EFNB2: variants seen among roughly 807,000 people sequenced by gnomAD.
EFNB2 encodes the protein ephrin-B2.
A neutral mutation model predicts 32.1 loss-of-function variants in EFNB2; 5 were observed. The observed-to-expected ratio is 0.16, with a 90% CI of 0.08 to 0.33. The LOEUF (loss-of-function observed/expected upper bound fraction) is 0.33. Among genes scored for constraint, EFNB2 ranks in the 10% least tolerant of loss-of-function variants. The pLI is 1.00. For missense variants in EFNB2, 263 were observed against 422.6 expected, an observed-to-expected ratio of 0.62 and a Z score of 3.31; for synonymous variants, 168 against 166.5, an observed-to-expected ratio of 1.01 and a Z score of -0.07.
At chr13:106,526,411 C>G (rs905858011) in intron 1 of EFNB2, among the ~76,000 whole-genome samples, 1 of 152,004 alleles carries the variant, frequency 6.6e-6, no homozygotes, top group African/African-American at 2.4e-5. Context: ...CATGACGTAC[C>G]GTGTATATGG....
At chr13:106,529,806 C>A (rs1356585356) in intron 1 of EFNB2, among the ~76,000 whole-genome samples, 1 of 152,150 alleles carries the variant, frequency 6.6e-6, no homozygotes, top group East Asian at 1.9e-4. Flanking sequence ...TTTCTCTATG[C>A]CTTTTTACTA....
chr13:106,524,217 GATA>G (rs1399185595), intron 1 of EFNB2, among the ~76,000 whole-genome samples: 1 of 152,124 alleles, frequency 6.6e-6, no homozygotes, highest in Non-Finnish European at 1.5e-5. Flanking sequence ...AATCAAAATG[GATA>G]ATGACAGAAT....
chr13:106,509,834 A>G (rs1232063952), intron 2 of EFNB2: 1 of 152,208 alleles, frequency 6.6e-6, no homozygotes, highest in African/African-American at 2.4e-5. Flanking sequence ...CTTGTAGATC[A>G]ATGAGCTTTG....
intron 2 of EFNB2, among the ~76,000 whole-genome samples, chr13:106,503,207 A>T (rs1198575491): frequency 6.6e-6 from 1 of 152,174 alleles, no homozygotes; most frequent in African/African-American, 2.4e-5. Flanking sequence ...AAAAGTTATG[A>T]CGATTTATGC....
At chr13:106,503,015 C>T (rs146505037) in intron 2 of EFNB2, among the ~76,000 whole-genome samples, 84 of 152,300 alleles carry the variant, frequency 5.5e-4, no homozygotes, top group African/African-American at 1.9e-3. Context: ...CTGCACCTCC[C>T]CCAACCCCCG....
Position 106,530,888 on chromosome 13 carries a change from T to A in EFNB2, c.122+3955A>T, listed in dbSNP as rs141609685. On this transcript the variant is annotated intron_variant, in intron 1 of 4. Coordinates refer to ENST00000646441, the MANE Select transcript of EFNB2 (RefSeq NM_004093.4). The stretch of plus-strand genomic sequence containing the variant: ...TCTCACTGATCCACCAACCGAAGGA[T>A]GCACCTCAGTAAGTTTACAGACAAG... Among the ~76,000 whole-genome samples, 525 of 152,324 alleles carry A rather than the reference T, an allele frequency of 3.4e-3. 3 individuals carry two copies. Among genetic ancestry groups the A allele is most frequent in the African/African-American group, 0.012 (504 of 41,584 alleles).
rs1221530802 is a variant in EFNB2, at chr13:106,500,975, C to CA, written c.407-5136dup. Among the ~76,000 whole-genome samples, 11 of 151,634 alleles carry CA rather than the reference C, an allele frequency of 7.3e-5. No homozygotes were observed. In the East Asian group the frequency reaches 7.7e-4, roughly 11 times the overall value. On this transcript the variant is annotated intron_variant, in intron 2 of 4. Coordinates refer to ENST00000646441, the MANE Select transcript of EFNB2 (RefSeq NM_004093.4). Reference sequence around the variant, plus strand: ...CCACAGGGCTATCAAATCTGAGTGTCAAAAAAACAAAAAGAATAAGGTAAG... The same window carrying CA: ...CCACAGGGCTATCAAATCTGAGTGTCAAAAAAAACAAAAAGAATAAGGTAAG...
intron 1 of EFNB2, among the ~76,000 whole-genome samples, chr13:106,529,652 C>T (rs1414592914): frequency 6.6e-6 from 1 of 152,244 alleles, no homozygotes; most frequent in Non-Finnish European, 1.5e-5. Flanking sequence ...TCATTTCTAA[C>T]ATCAAGCTAA....
chr13:106,493,488 C>G lies in EFNB2; in HGVS notation c.614-60G>C. The G allele has an allele frequency of 1.3e-6, 2 of 1,539,656 alleles. No homozygotes were observed. Among genetic ancestry groups the G allele is most frequent in the Non-Finnish European group, 1.7e-6 (2 of 1,143,902 alleles). Reference sequence around the variant, plus strand: ...TTACTGCTGTCCCAGTGCAGACGGACTGCTTTTATGACCCTTAAAAATGTG... The same window carrying G: ...TTACTGCTGTCCCAGTGCAGACGGAGTGCTTTTATGACCCTTAAAAATGTG... On this transcript the variant is annotated intron_variant, in intron 4 of 4. Transcript: ENST00000646441. This position sits in a 1 kb window ranked among gnomAD's most constrained non-coding sequence, Gnocchi z 6.1.
chr13:106,493,433 A>G lies in EFNB2; in HGVS notation c.614-5T>C. 1 of 1,601,768 alleles carries G rather than the reference A, an allele frequency of 6.2e-7. No homozygotes were observed. Among genetic ancestry groups the G allele is most frequent in the Non-Finnish European group, 8.5e-7 (1 of 1,171,882 alleles). ...TGTTGCCGTCTGTGCTAGAACCTGC[A>G]GACGCGGAGACAGAAAAGGTCAGAG... On this transcript the variant is annotated splice_polypyrimidine_tract_variant and splice_region_variant and intron_variant, in intron 4 of 4. Transcript: ENST00000646441. This position sits in a 1 kb window ranked among gnomAD's most constrained non-coding sequence, Gnocchi z 6.1.
intron 2 of EFNB2, among the ~76,000 whole-genome samples, chr13:106,511,962 C>T (rs1015619339): frequency 6.6e-6 from 1 of 152,122 alleles, no homozygotes; most frequent in African/African-American, 2.4e-5. Flanking sequence ...ACTAAGCAAA[C>T]CAAGTTTCGT....
chr13:106,521,141 T>G (rs542727368), intron 1 of EFNB2: 1 of 135,554 alleles, frequency 7.4e-6, no homozygotes, highest in South Asian at 2.2e-4. Context: ...CCTGATTTAT[T>G]CAAGGAAAAG....
rs528678680 is a variant in EFNB2 at position 106,494,517 on chromosome 13, A to G, written c.613+364T>C. On this transcript the variant is annotated intron_variant, in intron 4 of 4. Coordinates refer to ENST00000646441, the MANE Select transcript of EFNB2 (RefSeq NM_004093.4). ...ATTAAACCCTCTGTGGCTTAGATAT[A>G]ATTAGATGAGGGATTAGCACATTAA... 3.3e-5 allele frequency among the ~76,000 whole-genome samples: 5 copies of G among 152,354 alleles called. No individual in the cohort carries two copies. In the South Asian group the frequency reaches 1.0e-3, roughly 32 times the overall value.
intron 1 of EFNB2, among the ~76,000 whole-genome samples, chr13:106,521,944 ATTG>A: frequency 6.6e-6 from 1 of 152,034 alleles, no homozygotes; most frequent in East Asian, 1.9e-4. Context: ...CCCAAATATC[ATTG>A]TTGTCTTTTC....
At chr13:106,531,764 G>C (rs1879878740) in intron 1 of EFNB2, among the ~76,000 whole-genome samples, 1 of 136,988 alleles carries the variant, frequency 7.3e-6, no homozygotes, top group East Asian at 2.0e-4. Context: ...GTATTATATA[G>C]GGAAAAAATT....
At position 106,490,489 on chromosome 13, in the gene EFNB2, T is replaced by C; in HGVS notation, c.*2551A>G. 6.6e-6 allele frequency: 1 copy of C among 152,156 alleles called. No homozygotes were observed. Among genetic ancestry groups the C allele is most frequent in the East Asian group, 1.9e-4 (1 of 5,194 alleles). 9.4% of individuals were successfully genotyped at this position (152,156 alleles called of 1,614,324 possible). ...TGGTTGCAGGGAACTCTTTTATCAA[T>C]TCATCTGATTTTTCACAGTTTAGCA... On this transcript the variant is annotated 3_prime_UTR_variant, in exon 5 of 5. Coordinates refer to ENST00000646441, the MANE Select transcript of EFNB2 (RefSeq NM_004093.4).
chr13:106,503,393 T>C (rs1878847734), intron 2 of EFNB2, among the ~76,000 whole-genome samples: 2 of 152,170 alleles, frequency 1.3e-5, no homozygotes, highest in Non-Finnish European at 2.9e-5. Flanking sequence ...AATAAGTAAC[T>C]TCACATAGAA....
At chr13:106,501,281 C>T (rs1878768787) in intron 2 of EFNB2, among the ~76,000 whole-genome samples, 5 of 152,076 alleles carry the variant, frequency 3.3e-5, no homozygotes, top group Admixed American at 3.3e-4. Context: ...ATAAAATCTT[C>T]TGAAACAGAA....
intron 1 of EFNB2, 130 bp downstream of exon 1, chr13:106,534,712 TG>T: frequency 1.1e-6 from 1 of 939,906 alleles, no homozygotes; most frequent in Non-Finnish European, 1.4e-6. Context: ...GGGCGGGGGT[TG>T]GGGGTGGGGG....
Sources: allele counts gnomAD v4.1 joint callset (sites outside exome capture counted in the v4.1 genomes callset), GRCh38; gene constraint gnomAD v4.1.1; non-coding constraint Gnocchi (gnomAD v3.1); transcripts MANE v1.5; gene names NCBI Gene and HGNC (gene_info 2026-07-23, HGNC 2026-07-21).